Variants in ITGA6 observed in about 807,000 individuals in gnomAD.
The protein encoded by ITGA6 is integrin alpha-6.
ITGA6 carries 63 observed loss-of-function variants against 133.6 expected under a neutral mutation model. That is an observed-to-expected ratio of 0.47 (90% CI 0.38 to 0.58). The LOEUF is 0.58. Among genes scored for constraint, ITGA6 ranks in the 20% least tolerant of loss-of-function variants. ITGA6 has a pLI of 0.00. For synonymous variants in ITGA6, 434 were observed against 482.0 expected (o/e 0.90, Z 1.30); for missense variants, 1,068 against 1,309.4 (o/e 0.82, Z 2.85).
At chr2:172,463,254 C>A (rs1048260977) in intron 1 of ITGA6, among the ~76,000 whole-genome samples, 2 of 152,152 alleles carry the variant, frequency 1.3e-5, no homozygotes, top group Non-Finnish European at 2.9e-5. Flanking sequence ...AACTTAGTAG[C>A]CACCTTGGGT....
At chr2:172,462,988 G>A (rs1347849000) in intron 1 of ITGA6, among the ~76,000 whole-genome samples, 1 of 152,162 alleles carries the variant, frequency 6.6e-6, no homozygotes, top group Non-Finnish European at 1.5e-5. Context: ...TCATCTCTTA[G>A]TGACATCCTC....
At chr2:172,433,155 C>G (rs532048360) in intron 1 of ITGA6, among the ~76,000 whole-genome samples, 3 of 152,236 alleles carry the variant, frequency 2.0e-5, no homozygotes, top group Admixed American at 2.0e-4. Context: ...TGCCCATCTT[C>G]CCTTTCTGGG....
Position 172,427,693 on chromosome 2 carries a change from G to A in ITGA6, c.-96G>A. The A allele has an allele frequency of 3.7e-6, 5 of 1,366,336 alleles. No homozygotes were observed. The highest frequency in any genetic ancestry group is 4.7e-6 in the Non-Finnish European group (5 of 1,060,718). The allele number at this position is 1,366,336 out of a possible 1,614,324, so 84.6% of individuals were successfully genotyped here. A position where few individuals can be genotyped will look rare whatever the true frequency, so the allele number is the denominator to read the frequency against. ...GGGCGCAGCGGCGAGAGGAGGCGAA[G>A]GTGGCTGCGGTAGCAGCAGCGCGGC... On this transcript the variant is annotated 5_prime_UTR_variant, in exon 1 of 26. Transcript: ENST00000684293.
Position 172,501,715 on chromosome 2 carries a change from T to G in ITGA6, c.3115-57T>G, listed in dbSNP as rs1042530253. ...CAGATTAAAATTTGAGATGTTCTGT[T>G]GTTTGGCTCTTATACACAAAACTGT... On this transcript the variant is annotated intron_variant, in intron 24 of 25. Transcript: ENST00000684293. 3 of 1,574,412 alleles carry G rather than the reference T, an allele frequency of 1.9e-6. No individual in the cohort carries two copies. The African/African-American group carries it at 4.0e-5, about 21-fold the overall frequency.
Position 172,489,465 on chromosome 2 carries a change from T to A in ITGA6, c.2506-20T>A. 1.9e-6 allele frequency: 3 copies of A among 1,575,968 alleles called. No individual in the cohort carries two copies. Among genetic ancestry groups the A allele is most frequent in the South Asian group, 2.2e-5 (2 of 90,218 alleles). On this transcript the variant is annotated intron_variant, in intron 19 of 25. Coordinates refer to ENST00000684293, the MANE Select transcript of ITGA6 (RefSeq NM_000210.4). ...CATTGAGAAGATTAGACTGAGATAA[T>A]ATGTATTATTTTCTAACAGGTAATA...
chr2:172,497,829 A>G lies in ITGA6; in HGVS notation c.2989-146A>G, dbSNP rs1343079362. 4.7e-5 allele frequency: 37 copies of G among 795,514 alleles called. No homozygotes were observed. The Middle Eastern group carries it at 1.7e-3, about 36-fold the overall frequency. 49.3% of individuals were successfully genotyped at this position (795,514 alleles called of 1,614,324 possible). ...TCTTGAAGCAATATTCTGTTAAGAG[A>G]AAGGATCTTGCATCAGAAAGTCATC... On this transcript the variant is annotated intron_variant, in intron 23 of 25. Coordinates refer to ENST00000684293, the MANE Select transcript of ITGA6 (RefSeq NM_000210.4).
In ITGA6 at chr2:172,494,704, G is replaced by A. The variant is rs529337312; in HGVS notation, c.2988+3181G>A. Among the ~76,000 whole-genome samples the A allele has an allele frequency of 3.6e-4, 55 of 152,232 alleles. No homozygotes were observed. In the South Asian group the frequency reaches 9.7e-3, roughly 27 times the overall value. On this transcript the variant is annotated intron_variant, in intron 23 of 25. Coordinates refer to ENST00000684293, the MANE Select transcript of ITGA6 (RefSeq NM_000210.4). ...CTAAATGTTAGAGATGCAAAGTTGG[G>A]TAAGATACAGTGTCAACTGTTAAGA...
At chr2:172,478,837 C>G (rs998335401) in intron 9 of ITGA6, among the ~76,000 whole-genome samples, 4 of 152,112 alleles carry the variant, frequency 2.6e-5, no homozygotes, top group Non-Finnish European at 5.9e-5. Flanking sequence ...AAGAGAAGGG[C>G]AAGTGTTTGT....
intron 1 of ITGA6, among the ~76,000 whole-genome samples, chr2:172,463,146 T>G (rs1381708923): frequency 6.6e-6 from 1 of 152,144 alleles, no homozygotes; most frequent in African/African-American, 2.4e-5. Context: ...AATTCCTTAT[T>G]CATCCTAGGA....
rs1684663383 is a variant in ITGA6, at chr2:172,444,337, T to A, written c.182+16367T>A. ...CAGCAATAGCAAGTCCAAGTAGGAC[T>A]GATTCAGTATACACAAAGAAGTATT... is the stretch of plus-strand genomic sequence containing the variant. On this transcript the variant is annotated intron_variant, in intron 1 of 25. Coordinates refer to ENST00000684293, the MANE Select transcript of ITGA6 (RefSeq NM_000210.4). 1.3e-5 allele frequency among the ~76,000 whole-genome samples: 2 copies of A among 152,204 alleles called. 1 individual carries two copies. The highest frequency in any genetic ancestry group is 4.1e-4 in the South Asian group (2 of 4,834).
intron 1 of ITGA6, among the ~76,000 whole-genome samples, chr2:172,448,435 C>T (rs1684855415): frequency 6.6e-6 from 1 of 152,066 alleles, no homozygotes; most frequent in South Asian, 2.1e-4. Context: ...TACTTGTCTT[C>T]TCAATTTGTG....
At chr2:172,478,746 G>A (rs1161530593) in intron 9 of ITGA6, among the ~76,000 whole-genome samples, 7 of 152,160 alleles carry the variant, frequency 4.6e-5, no homozygotes, top group African/African-American at 9.7e-5. Context: ...CAGAGATATC[G>A]TGGGGGTAGA....
At chr2:172,432,561 C>T (rs1245424470) in intron 1 of ITGA6, among the ~76,000 whole-genome samples, 2 of 152,264 alleles carry the variant, frequency 1.3e-5, no homozygotes, top group African/African-American at 4.8e-5. Flanking sequence ...CCCTTCCTTG[C>T]TCAGGCCTTG....
chr2:172,449,700 C>G (rs1387738354), intron 1 of ITGA6, among the ~76,000 whole-genome samples: 2 of 152,004 alleles, frequency 1.3e-5, no homozygotes, highest in Non-Finnish European at 2.9e-5. Flanking sequence ...AATCCCAGCA[C>G]TTTGGGAGGT....
intron 11 of ITGA6, among the ~76,000 whole-genome samples, chr2:172,482,876 G>A (rs1042199094): frequency 6.6e-6 from 1 of 152,122 alleles, no homozygotes; most frequent in Non-Finnish European, 1.5e-5. Flanking sequence ...GTGTGTGTGC[G>A]CATGTGTGTG....
At chr2:172,431,115 C>T (rs996637741) in intron 1 of ITGA6, among the ~76,000 whole-genome samples, 3 of 152,152 alleles carry the variant, frequency 2.0e-5, no homozygotes, top group African/African-American at 4.8e-5. Flanking sequence ...GCTCCAGGCC[C>T]GCGGTCTGTT....
chr2:172,463,538 G>C (rs1685521491), intron 1 of ITGA6, among the ~76,000 whole-genome samples: 1 of 152,080 alleles, frequency 6.6e-6, no homozygotes, highest in Admixed American at 6.5e-5. Context: ...TGAAATCCTG[G>C]GTTTTACTTC....
Position 172,484,873 on chromosome 2 carries a change from A to G in ITGA6, c.1641A>G (p.Lys547=). The G allele has an allele frequency of 6.2e-7, 1 of 1,614,168 alleles. No individual in the cohort carries two copies. Among genetic ancestry groups the G allele is most frequent in the Non-Finnish European group, 8.5e-7 (1 of 1,179,984 alleles). The change falls in exon 12 of 26, where the codon AAA becomes AAG. Residue 547 remains lysine (K), a synonymous_variant. Transcript: ENST00000684293. ...VQFRNQGSEP[K]YTQELTLKRQ... ...TTCGAAACCAAGGTTCTGAGCCCAA[A>G]TATACTCAAGAACTAACTCTGAAGA...
intron 20 of ITGA6, 36 bp from the exon 21 acceptor site, chr2:172,490,988 A>C (rs773031582): frequency 9.7e-7 from 1 of 1,034,184 alleles, no homozygotes; most frequent in Admixed American, 1.7e-5. Context: ...AAAGAATTAC[A>C]TAAATTGGAA....
Sources: allele counts gnomAD v4.1 joint callset (sites outside exome capture counted in the v4.1 genomes callset), GRCh38; gene constraint gnomAD v4.1.1; transcripts MANE v1.5; gene names NCBI Gene and HGNC (gene_info 2026-07-23, HGNC 2026-07-21).